Variants in JPH2 observed in about 807,000 individuals in gnomAD.
JPH2 encodes junctophilin 2.
JPH2 carries 38 observed loss-of-function variants against 55.9 expected under a neutral mutation model. The observed-to-expected ratio is 0.68, with a 90% CI of 0.52 to 0.89. JPH2 has a LOEUF of 0.89. JPH2 is among the 40% of genes least tolerant of loss of function. JPH2 has a pLI of 0.00. For missense variants in JPH2, 964 were observed against 1,037.6 expected (o/e 0.93, Z 0.97); for synonymous variants, 480 against 472.4 (o/e 1.02, Z -0.21).
At chr20:44,139,524 A>G (rs1217827652) in intron 2 of JPH2, among the ~76,000 whole-genome samples, 1 of 152,244 alleles carries the variant, frequency 6.6e-6, no homozygotes, top group Non-Finnish European at 1.5e-5. Context: ...TTGGAAAAAC[A>G]TGAATAGATC....
chr20:44,130,903 A>T (rs376718052), intron 2 of JPH2, among the ~76,000 whole-genome samples: 2 of 152,046 alleles, frequency 1.3e-5, no homozygotes, highest in African/African-American at 4.8e-5. Context: ...TAAAGATTCC[A>T]TTTTTGAGGC....
chr20:44,171,630 C>T (rs2072699218), intron 1 of JPH2, among the ~76,000 whole-genome samples: 1 of 152,156 alleles, frequency 6.6e-6, no homozygotes, highest in South Asian at 2.1e-4. Flanking sequence ...TCAGGTCCCA[C>T]CTCCAAGCCT....
At chr20:44,177,554 G>C in intron 1 of JPH2, 1 of 1,144,120 alleles carries the variant, frequency 8.7e-7, no homozygotes, top group South Asian at 2.0e-5. Flanking sequence ...GGTCTCCATA[G>C]AATGCCCAGA....
At chr20:44,155,214 AACC>A (rs1424378165) in intron 2 of JPH2, among the ~76,000 whole-genome samples, 1 of 152,096 alleles carries the variant, frequency 6.6e-6, no homozygotes, top group African/African-American at 2.4e-5. Flanking sequence ...TACTCCTTCT[AACC>A]ACCCTATGAG....
chr20:44,148,728 G>C (rs550304515), intron 2 of JPH2, among the ~76,000 whole-genome samples: 1 of 151,980 alleles, frequency 6.6e-6, no homozygotes, highest in South Asian at 2.1e-4. Flanking sequence ...ATTCAACACC[G>C]GGCAGACTGC....
At chr20:44,177,916 C>T (rs773896431) in intron 1 of JPH2, 1 of 1,474,666 alleles carries the variant, frequency 6.8e-7, no homozygotes, top group South Asian at 1.1e-5. Context: ...ATGCTCAGTG[C>T]TTCATTGTCT....
At chr20:44,140,105 T>C (rs756036381) in intron 2 of JPH2, among the ~76,000 whole-genome samples, 29 of 152,156 alleles carry the variant, frequency 1.9e-4, no homozygotes, top group Non-Finnish European at 4.1e-4. Context: ...TCTCCTGACC[T>C]CGTGATCTGC....
In JPH2 at chr20:44,109,923, C is replaced by A. The variant is rs184728050; in HGVS notation, c.*3595G>T. Among the ~76,000 whole-genome samples, 6 of 152,258 alleles carry A rather than the reference C, an allele frequency of 3.9e-5. No individual in the cohort carries two copies. Among genetic ancestry groups the A allele is most frequent in the Admixed American group, 2.0e-4 (3 of 15,298 alleles). ...CTGCCCTGGAAGAGTCCTGCAGAGA[C>A]CTCAAGGCAGTGGGCCAGCATTGCT... On this transcript the variant is annotated 3_prime_UTR_variant, in exon 6 of 6. Transcript: ENST00000372980.
chr20:44,127,599 C>T (rs1187378595), intron 2 of JPH2, among the ~76,000 whole-genome samples: 2 of 151,960 alleles, frequency 1.3e-5, no homozygotes, highest in African/African-American at 4.8e-5. Flanking sequence ...GATTCTCCTG[C>T]CTCAGCCTCC....
At chr20:44,173,782 C>T (rs1047338064) in intron 1 of JPH2, among the ~76,000 whole-genome samples, 1 of 152,188 alleles carries the variant, frequency 6.6e-6, no homozygotes, top group East Asian at 1.9e-4. Flanking sequence ...GGCGTGGTGG[C>T]GCATGCCTGT....
chr20:44,124,558 AATC>A, intron 2 of JPH2, among the ~76,000 whole-genome samples: 1 of 152,092 alleles, frequency 6.6e-6, no homozygotes, highest in Admixed American at 6.6e-5. Context: ...TCACACCTGT[AATC>A]CCAGCACTTT....
At chr20:44,123,311 C>T (rs1046200178) in intron 2 of JPH2, among the ~76,000 whole-genome samples, 2 of 152,202 alleles carry the variant, frequency 1.3e-5, no homozygotes, top group Non-Finnish European at 2.9e-5. Flanking sequence ...ATCACCAACA[C>T]TGGTCTCTCC....
At position 44,112,844 on chromosome 20, in the gene JPH2, C is replaced by T. The variant is rs1160011016; in HGVS notation, c.*674G>A. ...CAGCCAGAGGATCCATGGGGTCTCC[C>T]CTCGTCTATTGGTCCAGAAGGGAAG... On this transcript the variant is annotated 3_prime_UTR_variant, in exon 6 of 6. Coordinates refer to ENST00000372980, the MANE Select transcript of JPH2 (RefSeq NM_020433.5). The T allele has an allele frequency of 1.3e-5, 2 of 152,366 alleles. No individual in the cohort carries two copies. The highest frequency in any genetic ancestry group is 4.8e-5 in the African/African-American group (2 of 41,464). The allele number at this position is 152,366 out of a possible 1,614,324, so 9.4% of individuals were successfully genotyped here.
At chr20:44,117,436 T>C (rs149534356) in intron 3 of JPH2, among the ~76,000 whole-genome samples, 1 of 152,244 alleles carries the variant, frequency 6.6e-6, no homozygotes, top group East Asian at 1.9e-4. Context: ...TACTTTGTGA[T>C]GTGGCTTCCT....
At chr20:44,186,058 T>C (rs969206862) in intron 1 of JPH2, among the ~76,000 whole-genome samples, 3 of 152,180 alleles carry the variant, frequency 2.0e-5, no homozygotes, top group African/African-American at 7.2e-5. Flanking sequence ...GTAGTTATAT[T>C]TTATTGTGTG....
intron 3 of JPH2, 121 bp from the exon 4 acceptor site, chr20:44,116,507 A>C (rs373116241): frequency 1.6e-5 from 18 of 1,113,604 alleles, no homozygotes; most frequent in African/African-American, 1.3e-4. Context: ...CATAGCACTG[A>C]CCAAGTGCCA....
At chr20:44,142,196 C>T (rs11086919) in intron 2 of JPH2, among the ~76,000 whole-genome samples, 1 of 152,036 alleles carries the variant, frequency 6.6e-6, no homozygotes, top group African/African-American at 2.4e-5. Flanking sequence ...GCCCCCGAAG[C>T]CACCACCCAA....
At chr20:44,132,569 G>C (rs376105795) in intron 2 of JPH2, among the ~76,000 whole-genome samples, 1 of 151,608 alleles carries the variant, frequency 6.6e-6, no homozygotes, top group African/African-American at 2.4e-5. Flanking sequence ...GCACGAGGCC[G>C]GAGAGGGCTG....
Position 44,143,818 on chromosome 20 carries a change from A to G in JPH2, c.1169+15800T>C, listed in dbSNP as rs76093219. ...TGCTGGCTATTGTGTGGAGAAGAGTATGTGGCAGGAGGAGGCATGAAAAGC... is the reference window on the plus strand; with the variant it reads ...TGCTGGCTATTGTGTGGAGAAGAGTGTGTGGCAGGAGGAGGCATGAAAAGC... On this transcript the variant is annotated intron_variant, in intron 2 of 5. Transcript: ENST00000372980. Among the ~76,000 whole-genome samples, 532 of 152,278 alleles carry G rather than the reference A, an allele frequency of 3.5e-3. 4 individuals carry two copies. The highest frequency in any genetic ancestry group is 0.012 in the African/African-American group (505 of 41,568).
Sources: allele counts gnomAD v4.1 joint callset (sites outside exome capture counted in the v4.1 genomes callset), GRCh38; gene constraint gnomAD v4.1.1; transcripts MANE v1.5; gene names NCBI Gene and HGNC (gene_info 2026-07-23, HGNC 2026-07-21).